Variants in VPS13B observed in about 807,000 individuals in gnomAD.
VPS13B encodes the protein intermembrane lipid transfer protein VPS13B.
In VPS13B, 285 loss-of-function variants were observed where a neutral mutation model predicts 426.4. The ratio of observed to expected loss-of-function variants is 0.67; its 90% CI spans 0.61 to 0.74. The LOEUF (loss-of-function observed/expected upper bound fraction) is 0.74, where lower values mean the gene tolerates loss of function less well. Among genes scored for constraint, VPS13B ranks in the 30% least tolerant of loss-of-function variants. VPS13B has a pLI of 0.00. For missense variants in VPS13B, 4,537 were observed against 4,782.6 expected (o/e 0.95, Z 1.51); for synonymous variants, 1,676 against 1,676.4 (o/e 1.00, Z 0.01).
In VPS13B at chr8:99,467,522, T is replaced by C. The variant is rs1173219117; in HGVS notation, c.3554T>C (p.Leu1185Pro). ...GAACCTATGGGTTGCACCTCCACTC[T>C]AGCTGTCACGTCTCAAAAACTGCTT... ...LVEPMGCTST[L>P]AVTSQKLLAT... is the part of the protein sequence containing the mutation. The change falls in exon 24 of 62, where the codon CTA (leucine) becomes CCA (proline). Residue 1185 changes from leucine (L) to proline (P), a missense_variant. Transcript: ENST00000357162. 7 of 1,613,760 alleles carry C rather than the reference T, an allele frequency of 4.3e-6. No homozygotes were observed. In the Admixed American group the frequency reaches 6.7e-5, roughly 15 times the overall value.
Position 99,461,532 on chromosome 8 carries a change from T to G in VPS13B, c.3446-5882T>G, listed in dbSNP as rs1818832299. On this transcript the variant is annotated intron_variant, in intron 23 of 61. Coordinates refer to ENST00000357162, the MANE Select transcript of VPS13B (RefSeq NM_152564.5). ...ATGTCTTTGCATTCCTTATAGTAGCTAGATAAATTTTTTTTTACCGATTTC... is the reference window on the plus strand; with the variant it reads ...ATGTCTTTGCATTCCTTATAGTAGCGAGATAAATTTTTTTTTACCGATTTC... 2.0e-5 allele frequency among the ~76,000 whole-genome samples: 3 copies of G among 146,904 alleles called. No individual in the cohort carries two copies. The Admixed American group carries it at 2.2e-4, about 11-fold the overall frequency.
chr8:99,557,928 C>T (rs1824678859), intron 31 of VPS13B, among the ~76,000 whole-genome samples: 1 of 152,126 alleles, frequency 6.6e-6, no homozygotes, highest in African/African-American at 2.4e-5. Flanking sequence ...TATTTTTCTT[C>T]TGCTTTTCTC....
Position 99,135,623 on chromosome 8 carries a change from A to G in VPS13B, c.1453A>G (p.Asn485Asp). 6.2e-7 allele frequency: 1 copy of G among 1,613,322 alleles called. No individual in the cohort carries two copies. Among genetic ancestry groups the G allele is most frequent in the Non-Finnish European group, 8.5e-7 (1 of 1,179,482 alleles). The change falls in exon 11 of 62, where the codon AAT (asparagine) becomes GAT (aspartate). Residue 485 changes from asparagine (N) to aspartate (D), a missense_variant. By Grantham distance (23) the Asn-to-Asp change is conservative. This residue lies in a region of VPS13B where 4,311 missense variants were observed against 4,474.3 expected (regional missense o/e 0.96). Transcript: ENST00000357162. ...AGCCTGTTTCTTCATTTGTGGTGACAATTTGAGTACGAAAGGTTTCACATA... is the reference window on the plus strand; with the variant it reads ...AGCCTGTTTCTTCATTTGTGGTGACGATTTGAGTACGAAAGGTTTCACATA... ...TEACFFICGDNLSTKGFTYLT... is the reference protein window; with the variant it reads ...TEACFFICGDDLSTKGFTYLT...
At chr8:99,090,445 GT>G (rs1244404574) in intron 3 of VPS13B, among the ~76,000 whole-genome samples, 1 of 151,662 alleles carries the variant, frequency 6.6e-6, no homozygotes, top group Non-Finnish European at 1.5e-5. Context: ...TTTTTTTGAA[GT>G]TTTAGAAGGG....
intron 20 of VPS13B, among the ~76,000 whole-genome samples, chr8:99,390,092 C>T (rs1310915123): frequency 6.6e-6 from 1 of 151,518 alleles, no homozygotes; most frequent in Non-Finnish European, 1.5e-5. Flanking sequence ...AATCTTTTCT[C>T]ATTTTAAATT....
intron 43 of VPS13B, among the ~76,000 whole-genome samples, chr8:99,804,593 C>T (rs1813296033): frequency 6.6e-6 from 1 of 152,098 alleles, no homozygotes; most frequent in Non-Finnish European, 1.5e-5. Flanking sequence ...AAGATATTTA[C>T]TGTTGGTTAT....
intron 36 of VPS13B, among the ~76,000 whole-genome samples, chr8:99,705,432 A>G (rs1445666382): frequency 1.3e-5 from 2 of 152,140 alleles, no homozygotes; most frequent in Admixed American, 1.3e-4. Context: ...TCAACATACA[A>G]ATTATATTCT....
chr8:99,298,608 G>GT (rs1362616253), intron 19 of VPS13B, among the ~76,000 whole-genome samples: 5 of 152,160 alleles, frequency 3.3e-5, no homozygotes, highest in African/African-American at 1.2e-4. Context: ...TCAATGACAT[G>GT]TAAGTATTTT....
At position 99,556,570 on chromosome 8, in the gene VPS13B, G is replaced by C; in HGVS notation, c.4866G>C (p.Glu1622Asp). 1 of 1,613,236 alleles carries C rather than the reference G, an allele frequency of 6.2e-7. No individual in the cohort carries two copies. The highest frequency in any genetic ancestry group is 8.5e-7 in the Non-Finnish European group (1 of 1,179,488). Residue 1622 changes from glutamate to aspartate, a missense_variant, in exon 31 of 62, where the codon GAG becomes GAC. By Grantham distance (45) the Glu-to-Asp change is conservative (BLOSUM62 2). Coordinates refer to ENST00000357162, the MANE Select transcript of VPS13B (RefSeq NM_152564.5). ...CACAGTGGCATCAACTAAAACCAGA[G>C]AAGGAAAGTGTCTCAGGAGGGGTGG... ...GTAQWHQLKPEKESVSGGVVT... is the reference protein window; with the variant it reads ...GTAQWHQLKPDKESVSGGVVT...
At chr8:99,069,304 C>G (rs1424723694) in intron 3 of VPS13B, among the ~76,000 whole-genome samples, 3 of 152,034 alleles carry the variant, frequency 2.0e-5, no homozygotes, top group Non-Finnish European at 4.4e-5. Context: ...CTTGGTGGCA[C>G]AAGCCTTTAG....
intron 35 of VPS13B, among the ~76,000 whole-genome samples, chr8:99,664,897 A>G (rs1192167574): frequency 6.6e-6 from 1 of 152,148 alleles, no homozygotes; most frequent in Non-Finnish European, 1.5e-5. Flanking sequence ...CGCCACACTG[A>G]CTTCCACAAT....
At chr8:99,266,436 T>G (rs1435111880) in intron 17 of VPS13B, among the ~76,000 whole-genome samples, 1 of 151,394 alleles carries the variant, frequency 6.6e-6, no homozygotes, top group Non-Finnish European at 1.5e-5. Flanking sequence ...AAAAAATAGG[T>G]TTAATGGTGC....
At chr8:99,266,659 C>T (rs1024450591) in intron 17 of VPS13B, among the ~76,000 whole-genome samples, 8 of 151,810 alleles carry the variant, frequency 5.3e-5, no homozygotes, top group African/African-American at 1.9e-4. Flanking sequence ...TCTAGAGGGA[C>T]GTGATGGTAG....
chr8:99,780,368 CAT>C (rs764137204), intron 42 of VPS13B, among the ~76,000 whole-genome samples: 4 of 152,284 alleles, frequency 2.6e-5, no homozygotes, highest in African/African-American at 4.8e-5. Context: ...TAAGGGGACT[CAT>C]GTGTAGCAAC....
At chr8:99,544,350 T>A (rs1425082772) in intron 30 of VPS13B, among the ~76,000 whole-genome samples, 1 of 152,088 alleles carries the variant, frequency 6.6e-6, no homozygotes, top group Non-Finnish European at 1.5e-5. Flanking sequence ...CATTGGGAGA[T>A]ATACCTAATG....
chr8:99,442,274 A>G, intron 22 of VPS13B, 127 bp from the exon 23 acceptor site: 1 of 779,284 alleles, frequency 1.3e-6, no homozygotes, highest in Non-Finnish European at 2.1e-6. Flanking sequence ...CATTAGTGAA[A>G]ATAAGTCATA....
intron 19 of VPS13B, among the ~76,000 whole-genome samples, chr8:99,304,668 A>G (rs2133081063): frequency 6.6e-6 from 1 of 152,268 alleles, no homozygotes; most frequent in Middle Eastern, 3.4e-3. Context: ...CTCCAAGCCT[A>G]CACCTTGACC....
At chr8:99,223,528 G>A (rs1815847878) in intron 17 of VPS13B, among the ~76,000 whole-genome samples, 1 of 152,100 alleles carries the variant, frequency 6.6e-6, no homozygotes, top group Non-Finnish European at 1.5e-5. Flanking sequence ...CCTTAGTTAT[G>A]AATCTAGTAA....
intron 58 of VPS13B, among the ~76,000 whole-genome samples, chr8:99,862,738 G>T (rs187230373): frequency 6.6e-6 from 1 of 152,326 alleles, no homozygotes; most frequent in East Asian, 1.9e-4. Context: ...GAGTTTGAAA[G>T]GACTCGCCCT....
Sources: allele counts gnomAD v4.1 joint callset (sites outside exome capture counted in the v4.1 genomes callset), GRCh38; gene constraint gnomAD v4.1.1; regional missense constraint gnomAD v4.1.1; transcripts MANE v1.5; gene names NCBI Gene and HGNC (gene_info 2026-07-23, HGNC 2026-07-21).